The following GPR161 variants were observed in gnomAD, a reference collection of about 807,000 sequenced individuals.
GPR161 encodes G-protein coupled receptor RE2.
In GPR161, 25 loss-of-function variants were observed where a neutral mutation model predicts 39.2. The ratio of observed to expected loss-of-function variants is 0.64; its 90% CI spans 0.47 to 0.89. The LOEUF is 0.89. Among genes scored for constraint, GPR161 ranks in the 40% least tolerant of loss-of-function variants. GPR161 has a pLI of 0.00. For synonymous variants in GPR161, 286 were observed against 276.6 expected, an observed-to-expected ratio of 1.03 and a Z score of -0.34; for missense variants, 547 against 677.8, an observed-to-expected ratio of 0.81 and a Z score of 2.14.
rs10670498 is a variant in GPR161, at chr1:168,108,486, TAAAA to T, written c.-44-3596_-44-3593del. Among the ~76,000 whole-genome samples the T allele has an allele frequency of 1.7e-3, 29 of 17,470 alleles. 1 individual carries two copies. Among genetic ancestry groups the T allele is most frequent in the African/African-American group, 4.8e-3 (17 of 3,578 alleles). 11.5% of individuals were successfully genotyped at this position (17,470 alleles called of 152,430 possible). A position where few individuals can be genotyped will look rare whatever the true frequency, so the allele number is the denominator to read the frequency against. ...ATTTTATCCACTGAGGCCCTAGTTG[TAAAA>T]AAAAAAAAAAAAAAAAAAAAAACTG... On this transcript the variant is annotated intron_variant, in intron 1 of 5. Coordinates refer to ENST00000682931, the MANE Select transcript of GPR161 (RefSeq NM_001375883.1).
intron 2 of GPR161, 92 bp downstream of exon 2, chr1:168,104,385 C>T: frequency 9.5e-7 from 1 of 1,057,094 alleles, no homozygotes; most frequent in East Asian, 2.4e-5. Context: ...GCCCCTGACA[C>T]TCTCCAGGGA....
At chr1:168,132,959 G>A (rs1166766456) in intron 1 of GPR161, among the ~76,000 whole-genome samples, 2 of 152,118 alleles carry the variant, frequency 1.3e-5, no homozygotes, top group South Asian at 2.1e-4. Flanking sequence ...TGGTCAGGCT[G>A]GTCTCGAACT....
At chr1:168,116,654 C>T (rs539447924) in intron 1 of GPR161, among the ~76,000 whole-genome samples, 25 of 152,302 alleles carry the variant, frequency 1.6e-4, no homozygotes, top group Admixed American at 3.9e-4. Flanking sequence ...TGCAAAGGCT[C>T]CCTCCTGCCC....
chr1:168,136,302 A>G, intron 1 of GPR161: 2 of 1,476,550 alleles, frequency 1.4e-6, no homozygotes, highest in Non-Finnish European at 1.8e-6. Flanking sequence ...GCTTCTCCCC[A>G]CACCCTTTGC....
intron 3 of GPR161, among the ~76,000 whole-genome samples, chr1:168,093,650 T>C (rs1349183246): frequency 1.3e-5 from 2 of 152,236 alleles, no homozygotes; most frequent in African/African-American, 4.8e-5. Flanking sequence ...TTCATACCTC[T>C]AGTTAACACT....
chr1:168,089,215 G>C (rs1462018523), intron 4 of GPR161: 1 of 151,938 alleles, frequency 6.6e-6, no homozygotes, highest in African/African-American at 2.4e-5. Context: ...ATGAATGAAT[G>C]AATGTTGCAG....
At chr1:168,122,261 G>C (rs1383524394) in intron 1 of GPR161, among the ~76,000 whole-genome samples, 3 of 152,120 alleles carry the variant, frequency 2.0e-5, no homozygotes, top group Non-Finnish European at 2.9e-5. Flanking sequence ...CTTATGTCCT[G>C]GACTTAGTCC....
intron 1 of GPR161, among the ~76,000 whole-genome samples, chr1:168,113,181 A>G (rs1487047394): frequency 1.3e-5 from 2 of 152,138 alleles, no homozygotes; most frequent in Non-Finnish European, 2.9e-5. Flanking sequence ...CTCAAGTGTG[A>G]CTCACATTTC....
rs1366901605 is a variant in GPR161, at chr1:168,098,558, C to T, written c.375-1326G>A. The stretch of plus-strand genomic sequence containing the variant: ...ACATCGCCTGGGAAGGTGGCTCCTC[C>T]ACAGGGACCGCCCTGAGTCACCCTT... On this transcript the variant is annotated intron_variant, in intron 2 of 5. Coordinates refer to ENST00000682931, the MANE Select transcript of GPR161 (RefSeq NM_001375883.1). This position sits in a 1 kb window ranked among gnomAD's most constrained non-coding sequence, Gnocchi z 4.1. Among the ~76,000 whole-genome samples the T allele has an allele frequency of 6.6e-6, 1 of 152,226 alleles. No homozygotes were observed. The highest frequency in any genetic ancestry group is 1.5e-5 in the Non-Finnish European group (1 of 68,032).
chr1:168,135,578 C>T (rs1344012053), intron 1 of GPR161, among the ~76,000 whole-genome samples: 1 of 152,178 alleles, frequency 6.6e-6, no homozygotes. Context: ...CCAGTGGCTG[C>T]AGTAAAATAG....
At chr1:168,099,236 G>A (rs1453927669) in intron 2 of GPR161, among the ~76,000 whole-genome samples, 2 of 152,192 alleles carry the variant, frequency 1.3e-5, no homozygotes, top group East Asian at 1.9e-4. Flanking sequence ...GCTGAGACTC[G>A]GACCTGTCTG....
chr1:168,096,750 T>G lies in GPR161; in HGVS notation c.857A>C (p.Tyr286Ser), dbSNP rs1234335405. The G allele has an allele frequency of 6.2e-7, 1 of 1,614,054 alleles. No homozygotes were observed. The highest frequency in any genetic ancestry group is 8.5e-7 in the Non-Finnish European group (1 of 1,180,014). Residue 286 changes from tyrosine to serine, a missense_variant, in exon 3 of 6, where the codon TAC becomes TCC. Transcript: ENST00000682931. Reference sequence around the variant, plus strand: ...GGCCTCAGAGGCGATGACAACCATGTAGGGGCCCCAGGTGACCATGAAGGC... The same window carrying G: ...GGCCTCAGAGGCGATGACAACCATGGAGGGGCCCCAGGTGACCATGAAGGC... Reference protein sequence around the residue: ...LGAFMVTWGPYMVVIASEALW... With the variant: ...LGAFMVTWGPSMVVIASEALW...
chr1:168,120,876 T>C (rs1472321552), intron 1 of GPR161, among the ~76,000 whole-genome samples: 1 of 152,194 alleles, frequency 6.6e-6, no homozygotes, highest in African/African-American at 2.4e-5. Context: ...TGCAGAACTG[T>C]GATTCAATTA....
rs948731560 is a variant in GPR161 at position 168,093,256 on chromosome 1, T to C, written c.1100-2588A>G. On this transcript the variant is annotated intron_variant, in intron 3 of 5. Transcript: ENST00000682931. Reference sequence around the variant, plus strand: ...TCCTAAGTGACCTTCCCCGTGGGAATTGGCTAAGGAGACCTTACAAGCAGA... The same window carrying C: ...TCCTAAGTGACCTTCCCCGTGGGAACTGGCTAAGGAGACCTTACAAGCAGA... Among the ~76,000 whole-genome samples the C allele has an allele frequency of 3.9e-5, 6 of 152,184 alleles. No homozygotes were observed. The East Asian group carries it at 5.8e-4, about 15-fold the overall frequency.
chr1:168,107,002 G>A (rs1696677205), intron 1 of GPR161, among the ~76,000 whole-genome samples: 1 of 152,006 alleles, frequency 6.6e-6, no homozygotes, highest in African/African-American at 2.4e-5. Context: ...GCATATTACT[G>A]CACAAGGGAC....
At chr1:168,101,707 A>G (rs1417901951) in intron 2 of GPR161, among the ~76,000 whole-genome samples, 1 of 152,236 alleles carries the variant, frequency 6.6e-6, no homozygotes, top group Non-Finnish European at 1.5e-5. Flanking sequence ...GATAAACGGC[A>G]TACATAGTGC....
chr1:168,116,781 A>G (rs1256736257), intron 1 of GPR161, among the ~76,000 whole-genome samples: 1 of 152,202 alleles, frequency 6.6e-6, no homozygotes, highest in Non-Finnish European at 1.5e-5. Flanking sequence ...AGTCTGTTGC[A>G]ATGCACAGTG....
intron 1 of GPR161, among the ~76,000 whole-genome samples, chr1:168,130,003 T>G (rs1291917496): frequency 6.6e-6 from 1 of 152,176 alleles, no homozygotes; most frequent in African/African-American, 2.4e-5. Context: ...ACTCCTTTCA[T>G]TTTTTTGAGA....
At chr1:168,105,186 T>C (rs1696495216) in intron 1 of GPR161, among the ~76,000 whole-genome samples, 1 of 152,208 alleles carries the variant, frequency 6.6e-6, no homozygotes, top group Non-Finnish European at 1.5e-5. Context: ...AAGAATCGTC[T>C]GAAGTGCCAG....
Sources: gnomAD v4.1 joint callset for allele counts (sites outside exome capture counted in the v4.1 genomes callset) on GRCh38, gnomAD v4.1.1 for gene constraint, Gnocchi (gnomAD v3.1) non-coding constraint, MANE v1.5 for transcripts, NCBI Gene and HGNC (gene_info 2026-07-23, HGNC 2026-07-21) for gene names.